EML5: variants seen among roughly 807,000 people sequenced by gnomAD.
EML5 encodes EMAP like 5.
EML5 carries 120 observed loss-of-function variants against 250.0 expected under a neutral mutation model. The ratio of observed to expected loss-of-function variants is 0.48; its 90% CI spans 0.41 to 0.56. The LOEUF (loss-of-function observed/expected upper bound fraction) is 0.56, where lower values mean the gene tolerates loss of function less well. EML5 is among the 20% of genes least tolerant of loss of function. The probability of loss-of-function intolerance (pLI) is 0.00; values close to 1 mark genes in which losing one functional copy is unlikely to be tolerated. For missense variants in EML5, 2,006 were observed against 2,437.6 expected (o/e 0.82, Z 3.73); for synonymous variants, 771 against 806.5 (o/e 0.96, Z 0.75).
At chr14:88,682,776 C>T (rs2092744102) in intron 20 of EML5, among the ~76,000 whole-genome samples, 1 of 152,216 alleles carries the variant, frequency 6.6e-6, no homozygotes, top group Admixed American at 6.5e-5. Flanking sequence ...CAGATGGAGG[C>T]TCTACTTTGG....
At position 88,658,300 on chromosome 14, in the gene EML5, G is replaced by C; in HGVS notation, c.3764C>G (p.Thr1255Ser). ...TAAAGACATATCTGTACCGCCTAGGGTAACCAACATGCTGTCATCATAAGT... is the reference window on the plus strand; with the variant it reads ...TAAAGACATATCTGTACCGCCTAGGCTAACCAACATGCTGTCATCATAAGT... Reference protein sequence around the residue: ...RWTYDDSMLVTLGGTDMSLMV... With the variant: ...RWTYDDSMLVSLGGTDMSLMV... Residue 1255 changes from threonine to serine, a missense_variant, in exon 26 of 44, where the codon ACC becomes AGC. Thr to Ser is a moderately conservative substitution (Grantham distance 58). Around this residue, in one of 7 missense-constraint regions of EML5, gnomAD observed 1,375 missense variants for 1,590.3 expected, o/e 0.86. Coordinates refer to ENST00000554922, the MANE Select transcript of EML5 (RefSeq NM_183387.3). 6.2e-7 allele frequency: 1 copy of C among 1,613,734 alleles called. No individual in the cohort carries two copies. Among genetic ancestry groups the C allele is most frequent in the Non-Finnish European group, 8.5e-7 (1 of 1,179,822 alleles).
chr14:88,659,668 A>T (rs2092007956), intron 25 of EML5, among the ~76,000 whole-genome samples: 1 of 152,218 alleles, frequency 6.6e-6, no homozygotes, highest in South Asian at 2.1e-4. Flanking sequence ...AGGGATCTAC[A>T]CCATCTGGAA....
intron 21 of EML5, among the ~76,000 whole-genome samples, chr14:88,678,871 TC>T (rs2092656254): frequency 6.6e-6 from 1 of 152,096 alleles, no homozygotes; most frequent in African/African-American, 2.4e-5. Context: ...AAACTGTGTG[TC>T]CTAAAACAAC....
intron 28 of EML5, among the ~76,000 whole-genome samples, chr14:88,647,760 G>GA (rs1045573189): frequency 3.6e-5 from 5 of 138,748 alleles, no homozygotes; most frequent in African/African-American, 1.4e-4. Flanking sequence ...GGTGAAAAAA[G>GA]AAAAAAACAA....
intron 25 of EML5, among the ~76,000 whole-genome samples, chr14:88,661,019 T>C (rs1354464090): frequency 2.6e-5 from 4 of 152,158 alleles, no homozygotes; most frequent in African/African-American, 7.2e-5. Context: ...AAAGAGTTTA[T>C]ATTTATTGTT....
intron 24 of EML5, among the ~76,000 whole-genome samples, chr14:88,662,542 C>T (rs2092153266): frequency 2.5e-5 from 3 of 121,692 alleles, no homozygotes; most frequent in African/African-American, 3.3e-5. Flanking sequence ...TGATTTATTC[C>T]TTTTTTTTTT....
intron 21 of EML5, among the ~76,000 whole-genome samples, chr14:88,675,114 T>C (rs2092564332): frequency 1.3e-5 from 2 of 152,220 alleles, no homozygotes; most frequent in Admixed American, 1.3e-4. Flanking sequence ...TGGTGCAAGC[T>C]GTCAGTTGTT....
At chr14:88,659,614 G>A (rs1030385470) in intron 25 of EML5, among the ~76,000 whole-genome samples, 6 of 152,106 alleles carry the variant, frequency 3.9e-5, no homozygotes, top group Non-Finnish European at 5.9e-5. Flanking sequence ...CTACACTAAG[G>A]TGAAAACATA....
chr14:88,693,633 C>T (rs543950576), intron 17 of EML5, among the ~76,000 whole-genome samples: 1 of 152,064 alleles, frequency 6.6e-6, no homozygotes, highest in African/African-American at 2.4e-5. Context: ...GTTTAAAATG[C>T]ATCAATACAA....
intron 22 of EML5, 126 bp downstream of exon 22, chr14:88,665,211 A>T: frequency 9.8e-7 from 1 of 1,016,688 alleles, no homozygotes; most frequent in Non-Finnish European, 1.4e-6. Context: ...CTCTTGCTAC[A>T]CTGCCTCTTC....
chr14:88,673,757 T>G (rs780104475), intron 21 of EML5, among the ~76,000 whole-genome samples: 1 of 152,266 alleles, frequency 6.6e-6, no homozygotes, highest in Non-Finnish European at 1.5e-5. Context: ...AGCCAAATCA[T>G]GAATGAATTC....
intron 1 of EML5, among the ~76,000 whole-genome samples, chr14:88,761,610 G>C (rs976974892): frequency 6.6e-6 from 1 of 152,142 alleles, no homozygotes; most frequent in African/African-American, 2.4e-5. Flanking sequence ...TGGGCATTTG[G>C]GTTGGTTCCA....
At chr14:88,639,873 G>A (rs772431160) in intron 31 of EML5, among the ~76,000 whole-genome samples, 40 of 152,138 alleles carry the variant, frequency 2.6e-4, no homozygotes, top group Non-Finnish European at 1.2e-4. Context: ...GAGCCACCGT[G>A]CCCAGCAGGA....
intron 21 of EML5, among the ~76,000 whole-genome samples, chr14:88,670,780 A>G (rs954479177): frequency 2.0e-5 from 3 of 152,150 alleles, no homozygotes; most frequent in African/African-American, 7.2e-5. Flanking sequence ...AACCACAAGT[A>G]TCAATAACTG....
intron 2 of EML5, among the ~76,000 whole-genome samples, chr14:88,748,108 C>T (rs903776316): frequency 2.6e-5 from 4 of 152,012 alleles, no homozygotes; most frequent in Non-Finnish European, 5.9e-5. Context: ...CTAATTTGGA[C>T]AAACAGAGCC....
rs2091149665 is a variant in EML5, at chr14:88,642,926, C to T, written c.4204G>A (p.Ala1402Thr). Reference sequence around the variant, plus strand: ...ACATTGTGCAGAATTCCAACAGATGCAGTGTGATAAATTATATCATCACCA... The same window carrying T: ...ACATTGTGCAGAATTCCAACAGATGTAGTGTGATAAATTATATCATCACCA... ...NDGDDIIYHTASVGILHNVAT... is the reference protein window; with the variant it reads ...NDGDDIIYHTTSVGILHNVAT... The change falls in exon 31 of 44, where the codon GCA becomes ACA. Residue 1402 changes from alanine (A) to threonine (T), a missense_variant. Physicochemically the swap from Ala to Thr is moderately conservative, Grantham distance 58. Transcript: ENST00000554922. 1.2e-6 allele frequency: 2 copies of T among 1,606,216 alleles called. No homozygotes were observed. Among genetic ancestry groups the T allele is most frequent in the Non-Finnish European group, 1.7e-6 (2 of 1,177,450 alleles).
chr14:88,615,863 AGAG>A lies in EML5; in HGVS notation c.5898-12_5898-10del. 1 of 1,610,116 alleles carries A rather than the reference AGAG, an allele frequency of 6.2e-7. No homozygotes were observed. Among genetic ancestry groups the A allele is most frequent in the East Asian group, 2.2e-5 (1 of 44,822 alleles). ...ATTTCCAGACAAATAAGCTGCAATC[AGAG>A]AAGAAAATTGCAGGGAGTTAATTAT... On this transcript the variant is annotated splice_polypyrimidine_tract_variant and intron_variant, in intron 43 of 43. Coordinates refer to ENST00000554922, the MANE Select transcript of EML5 (RefSeq NM_183387.3).
chr14:88,728,565 G>T (rs2093702773), intron 7 of EML5, among the ~76,000 whole-genome samples: 1 of 152,126 alleles, frequency 6.6e-6, no homozygotes, highest in African/African-American at 2.4e-5. Context: ...TCATTAAGTA[G>T]AAGTGGATCA....
At chr14:88,761,672 T>A (rs2140461041) in intron 1 of EML5, among the ~76,000 whole-genome samples, 1 of 152,350 alleles carries the variant, frequency 6.6e-6, no homozygotes, top group South Asian at 2.1e-4. Flanking sequence ...TGCATGTGTC[T>A]TTATAGTAGA....
Sources: allele counts gnomAD v4.1 joint callset (sites outside exome capture counted in the v4.1 genomes callset), GRCh38; gene constraint gnomAD v4.1.1; regional missense constraint gnomAD v4.1.1; transcripts MANE v1.5; gene names NCBI Gene and HGNC (gene_info 2026-07-23, HGNC 2026-07-21).